The following COMMD10 variants were observed in gnomAD, a reference collection of about 807,000 sequenced individuals.
COMMD10 encodes the protein COMM domain containing 10, also known as COMM domain-containing protein 10.
COMMD10 carries 33 observed loss-of-function variants against 28.9 expected under a neutral mutation model. The observed-to-expected ratio is 1.14, with a 90% CI of 0.87 to 1.53. COMMD10 has a LOEUF of 1.53. COMMD10 is among the 40% of genes most tolerant of loss of function. The probability of loss-of-function intolerance (pLI) is 0.00; values close to 1 mark genes in which losing one functional copy is unlikely to be tolerated. For missense variants in COMMD10, 310 were observed against 233.4 expected (o/e 1.33, Z -2.14); for synonymous variants, 110 against 81.7 (o/e 1.35, Z -1.87).
intron 5 of COMMD10, among the ~76,000 whole-genome samples, chr5:116,174,819 C>T (rs897382723): frequency 1.3e-5 from 2 of 152,164 alleles, no homozygotes; most frequent in African/African-American, 4.8e-5. Flanking sequence ...TCAAAGCTAA[C>T]AGTTGTCCTT....
chr5:116,257,974 T>G (rs555786093), intron 5 of COMMD10, among the ~76,000 whole-genome samples: 3 of 151,864 alleles, frequency 2.0e-5, no homozygotes, highest in East Asian at 3.9e-4. Flanking sequence ...CAAGGCTAAC[T>G]ATAATCATTT....
At chr5:116,195,782 A>C (rs1561661658) in intron 5 of COMMD10, among the ~76,000 whole-genome samples, 2 of 152,198 alleles carry the variant, frequency 1.3e-5, no homozygotes, top group Non-Finnish European at 2.9e-5. Flanking sequence ...AGACATGAAT[A>C]GACAATTCTC....
chr5:116,117,061 C>G (rs10478278), intron 4 of COMMD10, among the ~76,000 whole-genome samples: 1 of 152,046 alleles, frequency 6.6e-6, no homozygotes, highest in African/African-American at 2.4e-5. Context: ...TTGACTGTCA[C>G]TCAAAATAAT....
At chr5:116,186,226 T>C (rs2112604113) in intron 5 of COMMD10, among the ~76,000 whole-genome samples, 1 of 152,286 alleles carries the variant, frequency 6.6e-6, no homozygotes, top group South Asian at 2.1e-4. Context: ...TTTAAACAAA[T>C]TGTTTATTTT....
intron 4 of COMMD10, among the ~76,000 whole-genome samples, chr5:116,104,682 C>T (rs1179880984): frequency 3.3e-5 from 5 of 151,672 alleles, no homozygotes; most frequent in South Asian, 2.1e-4. Flanking sequence ...TGCAGTGGCA[C>T]GATGTCGGCT....
At chr5:116,152,101 C>A (rs1344639485) in intron 5 of COMMD10, among the ~76,000 whole-genome samples, 3 of 152,082 alleles carry the variant, frequency 2.0e-5, no homozygotes, top group South Asian at 2.1e-4. Flanking sequence ...TTTCTGCCTT[C>A]ATTTTGTTAT....
At chr5:116,274,705 A>G (rs1008285792) in intron 5 of COMMD10, among the ~76,000 whole-genome samples, 10 of 151,710 alleles carry the variant, frequency 6.6e-5, no homozygotes, top group South Asian at 2.1e-4. Context: ...ATTCTAATCA[A>G]TCTGTCCTTA....
At chr5:116,216,882 A>G (rs1289703493) in intron 5 of COMMD10, among the ~76,000 whole-genome samples, 2 of 152,136 alleles carry the variant, frequency 1.3e-5, no homozygotes, top group African/African-American at 2.4e-5. Context: ...TATCAATTCT[A>G]AATTACAGTT....
chr5:116,104,915 A>C (rs1438538729), intron 4 of COMMD10, among the ~76,000 whole-genome samples: 4 of 152,068 alleles, frequency 2.6e-5, no homozygotes, highest in Non-Finnish European at 5.9e-5. Flanking sequence ...CACCGCACCC[A>C]GCCTCCTCTT....
chr5:116,095,111 T>C (rs1245490061), intron 4 of COMMD10, among the ~76,000 whole-genome samples: 1 of 152,120 alleles, frequency 6.6e-6, no homozygotes, highest in Admixed American at 6.5e-5. Context: ...TTTGATAGTT[T>C]AGTATGGTGC....
intron 5 of COMMD10, among the ~76,000 whole-genome samples, chr5:116,149,534 T>G (rs879534035): frequency 0.1 from 14,824 of 141,966 alleles, 1,180 homozygotes; most frequent in African/African-American, 0.22. Context: ...CCTGACTTTT[T>G]AATGATTGCC....
intron 4 of COMMD10, among the ~76,000 whole-genome samples, chr5:116,121,046 A>C (rs755052532): frequency 2.6e-5 from 4 of 152,212 alleles, no homozygotes; most frequent in South Asian, 2.1e-4. Context: ...GGTTTGTTAC[A>C]TAGATATACA....
At chr5:116,274,418 G>A (rs1239847207) in intron 5 of COMMD10, among the ~76,000 whole-genome samples, 3 of 151,768 alleles carry the variant, frequency 2.0e-5, no homozygotes, top group Non-Finnish European at 4.4e-5. Flanking sequence ...AATGAGTGTG[G>A]CTGTGTTCCA....
intron 5 of COMMD10, among the ~76,000 whole-genome samples, chr5:116,290,769 T>C (rs1024872714): frequency 6.6e-6 from 1 of 152,126 alleles, no homozygotes. Flanking sequence ...AATAAACACA[T>C]TTGAGCAGTC....
chr5:116,180,501 C>T (rs1008416940), intron 5 of COMMD10, among the ~76,000 whole-genome samples: 3 of 151,926 alleles, frequency 2.0e-5, no homozygotes, highest in African/African-American at 7.3e-5. Context: ...GTATTTCATA[C>T]ATAATTTTAA....
intron 5 of COMMD10, among the ~76,000 whole-genome samples, chr5:116,200,070 A>T (rs1291966179): frequency 1.3e-5 from 2 of 152,124 alleles, no homozygotes; most frequent in Non-Finnish European, 2.9e-5. Flanking sequence ...TAATCACATC[A>T]TGAAGAATGG....
chr5:116,284,212 T>C (rs1231829319), intron 5 of COMMD10, among the ~76,000 whole-genome samples: 1 of 151,952 alleles, frequency 6.6e-6, no homozygotes, highest in Non-Finnish European at 1.5e-5. Context: ...TTTTGCATTA[T>C]ATGAAAATAT....
chr5:116,166,327 T>C (rs977744023), intron 5 of COMMD10, among the ~76,000 whole-genome samples: 1 of 152,206 alleles, frequency 6.6e-6, no homozygotes, highest in African/African-American at 2.4e-5. Flanking sequence ...AGTATAAGAC[T>C]CTAAGTAGCC....
At position 116,263,210 on chromosome 5, in the gene COMMD10, C is replaced by CG. The variant is rs1173045080; in HGVS notation, c.511-28306dup. Among the ~76,000 whole-genome samples the CG allele has an allele frequency of 2.0e-5, 3 of 151,658 alleles. No individual in the cohort carries two copies. In the East Asian group the frequency reaches 5.8e-4, roughly 29 times the overall value. ...AAAACATCTATGAAACACTAAGATA[C>CG]GTCTGAATTGGAGCTGAGGACTAAG... On this transcript the variant is annotated intron_variant, in intron 5 of 6. Transcript: ENST00000274458.
Sources: gnomAD v4.1 joint callset for allele counts (sites outside exome capture counted in the v4.1 genomes callset) on GRCh38, gnomAD v4.1.1 for gene constraint, MANE v1.5 for transcripts, NCBI Gene and HGNC (gene_info 2026-07-23, HGNC 2026-07-21) for gene names.